Variants in ZNF532 observed in about 807,000 individuals in gnomAD.
ZNF532 encodes the protein zinc finger protein 532.
ZNF532 carries 22 observed loss-of-function variants against 89.3 expected under a neutral mutation model. The ratio of observed to expected loss-of-function variants is 0.25; its 90% CI spans 0.18 to 0.35. The LOEUF (loss-of-function observed/expected upper bound fraction) is 0.35. ZNF532 is among the 10% of genes least tolerant of loss of function. ZNF532 has a pLI of 1.00. For missense variants in ZNF532, 1,132 were observed against 1,643.4 expected, an observed-to-expected ratio of 0.69 and a Z score of 5.38; for synonymous variants, 606 against 649.6, an observed-to-expected ratio of 0.93 and a Z score of 1.02.
intron 7 of ZNF532, among the ~76,000 whole-genome samples, chr18:58,962,970 T>A (rs2065513889): frequency 1.3e-5 from 2 of 152,190 alleles, no homozygotes; most frequent in African/African-American, 4.8e-5. Flanking sequence ...TCATACCACC[T>A]GGGATCTGCC....
In ZNF532 at chr18:58,948,158, G is replaced by A. The variant is rs1401119528; in HGVS notation, c.2797G>A (p.Val933Met). ...HFDQHIENQKVSVFKCPDCSL... is the reference protein window; with the variant it reads ...HFDQHIENQKMSVFKCPDCSL... ...TGACCAACACATTGAAAACCAGAAG[G>A]TGTCTGTTTTCAAGTGTCCAGACTG... Residue 933 changes from valine (V) to methionine (M), a missense_variant, in exon 6 of 10, where the codon GTG becomes ATG. By Grantham distance (21) the Val-to-Met change is conservative. This residue lies in a region of ZNF532 where 415 missense variants were observed against 604.8 expected (regional missense o/e 0.69). Transcript: ENST00000591808. 9.9e-6 allele frequency: 16 copies of A among 1,613,988 alleles called. No homozygotes were observed. The highest frequency in any genetic ancestry group is 1.4e-5 in the Non-Finnish European group (16 of 1,179,898).
intron 5 of ZNF532, chr18:58,939,827 T>A (rs1192051391): frequency 7.2e-6 from 3 of 416,004 alleles, no homozygotes. Flanking sequence ...AAACGTTACC[T>A]ATTATTTATG....
chr18:58,906,874 AT>A (rs368013165), intron 2 of ZNF532, among the ~76,000 whole-genome samples: 6 of 152,142 alleles, frequency 3.9e-5, no homozygotes, highest in African/African-American at 1.4e-4. Context: ...TTGGACTGTG[AT>A]TTGTCTTTTA....
chr18:58,903,381 A>C (rs1380560341), intron 2 of ZNF532, among the ~76,000 whole-genome samples: 1 of 152,180 alleles, frequency 6.6e-6, no homozygotes, highest in Non-Finnish European at 1.5e-5. Flanking sequence ...AGAAGTTTGG[A>C]CTTAATTTGG....
At chr18:58,925,353 C>T (rs573572678) in intron 3 of ZNF532, among the ~76,000 whole-genome samples, 1 of 152,294 alleles carries the variant, frequency 6.6e-6, no homozygotes, top group South Asian at 2.1e-4. Flanking sequence ...ATTCATGTTT[C>T]CCTAGTGGCT....
At chr18:58,975,110 G>C (rs950566818) in intron 7 of ZNF532, among the ~76,000 whole-genome samples, 1 of 152,176 alleles carries the variant, frequency 6.6e-6, no homozygotes. Flanking sequence ...AGCTTTAGGA[G>C]TGAATTTTGG....
rs1468294404 is a variant in ZNF532 at position 58,865,155 on chromosome 18, G to C, written c.-358G>C. Reference sequence around the variant, plus strand: ...CTTATTAGAGAAAAAAATGTGCCTTGCTAGGGTGGGGACACTTGGTTGATG... The same window carrying C: ...CTTATTAGAGAAAAAAATGTGCCTTCCTAGGGTGGGGACACTTGGTTGATG... On this transcript the variant is annotated 5_prime_UTR_variant, in exon 1 of 10. Transcript: ENST00000591808. 1 of 151,826 alleles carries C rather than the reference G, an allele frequency of 6.6e-6. No homozygotes were observed. Among genetic ancestry groups the C allele is most frequent in the Non-Finnish European group, 1.5e-5 (1 of 67,990 alleles). 9.4% of individuals were successfully genotyped at this position (151,826 alleles called of 1,614,324 possible).
intron 7 of ZNF532, among the ~76,000 whole-genome samples, chr18:58,978,531 A>G (rs551987688): frequency 2.6e-5 from 4 of 152,278 alleles, no homozygotes; most frequent in South Asian, 4.1e-4. Context: ...TGTGTTTTTG[A>G]GAGAGAATTT....
intron 2 of ZNF532, among the ~76,000 whole-genome samples, chr18:58,901,688 T>A (rs2145664666): frequency 6.6e-6 from 1 of 152,100 alleles, no homozygotes; most frequent in East Asian, 1.9e-4. Context: ...TGACGATGAG[T>A]CCACCTGCAG....
chr18:58,926,599 C>T (rs2061545391), intron 3 of ZNF532, among the ~76,000 whole-genome samples: 1 of 152,230 alleles, frequency 6.6e-6, no homozygotes, highest in Non-Finnish European at 1.5e-5. Context: ...CCGCCTGCCT[C>T]AGCCTCCCAA....
intron 9 of ZNF532, 51 bp downstream of exon 9, chr18:58,981,668 T>C: frequency 1.2e-6 from 2 of 1,603,314 alleles, no homozygotes; most frequent in Non-Finnish European, 1.7e-6. Flanking sequence ...TGACTTGCTT[T>C]TCCCATTCAT....
chr18:58,938,681 C>T lies in ZNF532; in HGVS notation c.2529-764C>T, dbSNP rs556718948. The stretch of plus-strand genomic sequence containing the variant: ...CAGTGTGTACCAGGAAACAGTGGGC[C>T]GAGGCCTTGGAGCCAGAACTTCTTT... On this transcript the variant is annotated intron_variant, in intron 4 of 9. Coordinates refer to ENST00000591808, the MANE Select transcript of ZNF532 (RefSeq NM_001375912.1). 9.9e-5 allele frequency among the ~76,000 whole-genome samples: 15 copies of T among 152,238 alleles called. No homozygotes were observed. In the South Asian group the frequency reaches 2.1e-3, roughly 21 times the overall value.
At chr18:58,960,988 A>G (rs947148932) in intron 7 of ZNF532, among the ~76,000 whole-genome samples, 1 of 152,192 alleles carries the variant, frequency 6.6e-6, no homozygotes, top group Non-Finnish European at 1.5e-5. Flanking sequence ...TTATTTGACT[A>G]TCTTGCTATA....
At position 58,918,658 on chromosome 18, in the gene ZNF532, C is replaced by T. The variant is rs151155621; in HGVS notation, c.371C>T (p.Ser124Leu). ...VPASEVTLKD[S>L]TFSQFSPISS... ...GCCTCTGAGGTGACACTGAAAGACT[C>T]GACATTCAGCCAGTTTAGCCCGATC... Residue 124 changes from serine to leucine, a missense_variant, in exon 3 of 10, where the codon TCG becomes TTG. By Grantham distance (145) the Ser-to-Leu change is moderately radical. Around this residue, in one of 9 missense-constraint regions of ZNF532, gnomAD observed 302 missense variants for 319.8 expected, o/e 0.94. Transcript: ENST00000591808. 22 of 1,613,994 alleles carry T rather than the reference C, an allele frequency of 1.4e-5. No individual in the cohort carries two copies. The highest frequency in any genetic ancestry group is 1.5e-5 in the Non-Finnish European group (18 of 1,180,030).
At chr18:58,927,166 G>C (rs954656740) in intron 3 of ZNF532, among the ~76,000 whole-genome samples, 1 of 152,148 alleles carries the variant, frequency 6.6e-6, no homozygotes, top group Admixed American at 6.5e-5. Context: ...AAAAATACCT[G>C]TTGGGCTGGT....
intron 2 of ZNF532, among the ~76,000 whole-genome samples, chr18:58,886,989 C>G (rs769794997): frequency 6.6e-6 from 1 of 152,162 alleles, no homozygotes; most frequent in African/African-American, 2.4e-5. Context: ...CTGGGCAAGC[C>G]CTGCCCAGAG....
chr18:58,955,629 C>T (rs910399054), intron 7 of ZNF532, among the ~76,000 whole-genome samples: 1 of 152,146 alleles, frequency 6.6e-6, no homozygotes, highest in African/African-American at 2.4e-5. Flanking sequence ...GTGATTATCC[C>T]AAATGGCCTG....
In ZNF532 at chr18:58,888,871, A is replaced by T. The variant is rs1392725284; in HGVS notation, c.-18+23292A>T. 1.6e-3 allele frequency among the ~76,000 whole-genome samples: 86 copies of T among 53,052 alleles called. 9 individuals are homozygous for T. Among genetic ancestry groups the T allele is most frequent in the African/African-American group, 6.8e-3 (75 of 11,012 alleles). The allele number at this position is 53,052 out of a possible 152,430, so 34.8% of individuals were successfully genotyped here. A position where few individuals can be genotyped will look rare whatever the true frequency, so the allele number is the denominator to read the frequency against. On this transcript the variant is annotated intron_variant, in intron 2 of 9. Transcript: ENST00000591808. The stretch of plus-strand genomic sequence containing the variant: ...TATATATAATTTATATATATATAAT[A>T]TATATTATATATATATATTTTATAT...
chr18:58,929,444 C>G (rs1364590274), intron 3 of ZNF532, among the ~76,000 whole-genome samples: 1 of 152,214 alleles, frequency 6.6e-6, no homozygotes, highest in Non-Finnish European at 1.5e-5. Flanking sequence ...CCAGGGAGCT[C>G]ATCTGAATTC....
Sources: gnomAD v4.1 joint callset for allele counts (sites outside exome capture counted in the v4.1 genomes callset) on GRCh38, gnomAD v4.1.1 for gene constraint, gnomAD v4.1.1 regional missense constraint, MANE v1.5 for transcripts, NCBI Gene and HGNC (gene_info 2026-07-23, HGNC 2026-07-21) for gene names.